The following PBX1 variants were observed in gnomAD, a reference collection of about 807,000 sequenced individuals.
The protein encoded by PBX1 is pre-B-cell leukemia transcription factor 1.
A neutral mutation model predicts 53.4 loss-of-function variants in PBX1; 6 were observed. The observed-to-expected ratio is 0.11, with a 90% confidence interval of 0.06 to 0.22. PBX1 has a LOEUF of 0.22. PBX1 is among the 10% of genes least tolerant of loss of function. The probability of loss-of-function intolerance (pLI) is 1.00; values close to 1 mark genes in which losing one functional copy is unlikely to be tolerated. For synonymous variants in PBX1, 204 were observed against 212.3 expected (o/e 0.96, Z 0.34); for missense variants, 251 against 551.4 (o/e 0.46, Z 5.46).
chr1:164,813,671 C>T lies in PBX1; in HGVS notation c.997+1522C>T, dbSNP rs541928904. ...CTGCAAAGGTTATCATAATGCAAAA[C>T]GATATCAAAATGACTTTTTCCTGTC... On this transcript the variant is annotated intron_variant, in intron 6 of 8. Transcript: ENST00000420696. 10 of 152,318 alleles carry T rather than the reference C, an allele frequency of 6.6e-5. No individual in the cohort carries two copies. The South Asian group carries it at 1.0e-3, about 16-fold the overall frequency. The allele number at this position is 152,318 out of a possible 1,614,324, so 9.4% of individuals were successfully genotyped here.
intron 2 of PBX1, among the ~76,000 whole-genome samples, chr1:164,669,958 T>G (rs1301818525): frequency 6.6e-6 from 1 of 152,222 alleles, no homozygotes; most frequent in Non-Finnish European, 1.5e-5. Context: ...TGGTCTGGGC[T>G]TCTGTAAGCC....
At chr1:164,686,668 G>A (rs1019775386) in intron 2 of PBX1, among the ~76,000 whole-genome samples, 3 of 152,202 alleles carry the variant, frequency 2.0e-5, no homozygotes, top group African/African-American at 7.2e-5. Context: ...GCATGGGTCA[G>A]GTACATCTTC....
intron 2 of PBX1, among the ~76,000 whole-genome samples, chr1:164,734,457 A>G (rs766695236): frequency 6.6e-6 from 1 of 152,216 alleles, no homozygotes; most frequent in African/African-American, 2.4e-5. Context: ...TTTGCAAGCC[A>G]TCAGATAGTG....
intron 2 of PBX1, among the ~76,000 whole-genome samples, chr1:164,587,984 C>G (rs1332205775): frequency 6.6e-6 from 1 of 152,222 alleles, no homozygotes; most frequent in East Asian, 1.9e-4. Context: ...CTTGTCACCT[C>G]TCATCTTCTG....
intron 2 of PBX1, among the ~76,000 whole-genome samples, chr1:164,741,739 AGTGTGTGT>A (rs57771496): frequency 1.8e-4 from 26 of 140,812 alleles, no homozygotes; most frequent in East Asian, 4.3e-4. Flanking sequence ...TGTATGAGTG[AGTGTGTGT>A]GTGTGTGTGT....
intron 8 of PBX1, among the ~76,000 whole-genome samples, chr1:164,832,101 T>C (rs1670797629): frequency 6.6e-6 from 1 of 152,196 alleles, no homozygotes; most frequent in Non-Finnish European, 1.5e-5. Context: ...ATTTTTCCTC[T>C]TTTGCCTTTT....
chr1:164,644,172 T>C, intron 2 of PBX1, among the ~76,000 whole-genome samples: 1 of 152,182 alleles, frequency 6.6e-6, no homozygotes, highest in East Asian at 1.9e-4. Flanking sequence ...TGCTTTCTGG[T>C]TTTCATTTCA....
chr1:164,818,153 C>CA (rs1265450080), intron 6 of PBX1: 10 of 152,022 alleles, frequency 6.6e-5, no homozygotes, highest in African/African-American at 9.7e-5. Flanking sequence ...TCTGTGATTA[C>CA]AAAAAATATT....
At chr1:164,782,811 A>C (rs553397148) in intron 2 of PBX1, among the ~76,000 whole-genome samples, 38 of 152,362 alleles carry the variant, frequency 2.5e-4, no homozygotes, top group African/African-American at 9.1e-4. Flanking sequence ...TGCACAGCCC[A>C]GGCAAGTCGT....
intron 2 of PBX1, among the ~76,000 whole-genome samples, chr1:164,701,710 A>C (rs1663132368): frequency 6.6e-6 from 1 of 152,180 alleles, no homozygotes; most frequent in African/African-American, 2.4e-5. Flanking sequence ...CAATGCCCTC[A>C]CTTCATCAGC....
intron 2 of PBX1, among the ~76,000 whole-genome samples, chr1:164,734,186 G>C (rs937425001): frequency 2.6e-5 from 4 of 152,094 alleles, no homozygotes; most frequent in Non-Finnish European, 5.9e-5. Flanking sequence ...TATGTACTTT[G>C]GAGTTATCTC....
At chr1:164,882,841 C>CATGCTATGCT (rs200106119) in intron 2 of PBX1, among the ~76,000 whole-genome samples, 9 of 151,954 alleles carry the variant, frequency 5.9e-5, no homozygotes, top group Non-Finnish European at 1.0e-4. Flanking sequence ...AAATATGATA[C>CATGCTATGCT]ATGCTATGCT....
intron 2 of PBX1, among the ~76,000 whole-genome samples, chr1:164,565,875 G>T (rs960789141): frequency 1.3e-5 from 2 of 150,078 alleles, no homozygotes; most frequent in Non-Finnish European, 3.0e-5. Context: ...AAGCCTTTTT[G>T]CATTAAATGA....
At chr1:164,699,495 A>G (rs1662982115) in intron 2 of PBX1, among the ~76,000 whole-genome samples, 1 of 152,124 alleles carries the variant, frequency 6.6e-6, no homozygotes, top group South Asian at 2.1e-4. Flanking sequence ...CCATAATCTA[A>G]TAATCACTCT....
At chr1:164,600,617 G>A (rs4607861) in intron 2 of PBX1, among the ~76,000 whole-genome samples, 54,806 of 152,024 alleles carry the variant, frequency 0.36, 10,323 homozygotes, top group African/African-American at 0.45. Context: ...CAGAGCTTTT[G>A]GCACATTTGA....
intron 2 of PBX1, chr1:164,884,446 G>A (rs768875519): frequency 8.9e-5 from 32 of 360,410 alleles, no homozygotes; most frequent in Non-Finnish European, 1.4e-4. Flanking sequence ...AACTGAAATC[G>A]GTCAATTTGA....
At chr1:164,630,338 A>G (rs1035748749) in intron 2 of PBX1, among the ~76,000 whole-genome samples, 1 of 152,120 alleles carries the variant, frequency 6.6e-6, no homozygotes, top group African/African-American at 2.4e-5. Context: ...ATGGGATTTT[A>G]GGAGACAGAT....
chr1:164,634,379 G>A (rs1298007236), intron 2 of PBX1, among the ~76,000 whole-genome samples: 2 of 152,162 alleles, frequency 1.3e-5, no homozygotes, highest in East Asian at 1.9e-4. Flanking sequence ...ACCGATACAG[G>A]TAAGAGCTAT....
At chr1:164,735,670 C>T (rs1383649599) in intron 2 of PBX1, among the ~76,000 whole-genome samples, 2 of 152,122 alleles carry the variant, frequency 1.3e-5, no homozygotes, top group African/African-American at 4.8e-5. Flanking sequence ...ATCAAGGCTC[C>T]CCCTAAGGCC....
Sources: allele counts gnomAD v4.1 joint callset (sites outside exome capture counted in the v4.1 genomes callset), GRCh38; gene constraint gnomAD v4.1.1; transcripts MANE v1.5; gene names NCBI Gene and HGNC (gene_info 2026-07-23, HGNC 2026-07-21).